DPAGT1: variants seen among roughly 807,000 people sequenced by gnomAD.
DPAGT1 encodes dolichyl-phosphate N-acetylglucosaminephosphotransferase 1.
DPAGT1 carries 25 observed loss-of-function variants against 39.3 expected under a neutral mutation model. That is an observed-to-expected ratio of 0.64 (90% CI 0.46 to 0.89). The LOEUF (loss-of-function observed/expected upper bound fraction) is 0.89, where lower values mean the gene tolerates loss of function less well. Among genes scored for constraint, DPAGT1 ranks in the 40% least tolerant of loss-of-function variants. DPAGT1 has a pLI of 0.00. For synonymous variants in DPAGT1, 193 were observed against 201.4 expected (o/e 0.96, Z 0.36); for missense variants, 381 against 500.6 (o/e 0.76, Z 2.28).
In DPAGT1 at chr11:119,097,509, C is replaced by A; in HGVS notation, c.960G>T (p.Lys320Asn). The stretch of plus-strand genomic sequence containing the variant: ...AGAAAGAGAGGCTCTTGGTCTTGAA[C>A]TTGGAATAGCTCATCTCCAGTTTGC... ...KTGKLEMSYS[K>N]FKTKSLSFLG... Residue 320 changes from lysine (K) to asparagine (N), a missense_variant, in exon 7 of 9, where the codon AAG (lysine) becomes AAT (asparagine). Lys to Asn is a moderately conservative substitution (Grantham distance 94). Coordinates refer to ENST00000354202, the MANE Select transcript of DPAGT1 (RefSeq NM_001382.4). This position sits in a 1 kb window ranked among gnomAD's most constrained non-coding sequence, Gnocchi z 4.6. 2 of 1,614,170 alleles carry A rather than the reference C, an allele frequency of 1.2e-6. No individual in the cohort carries two copies. The highest frequency in any genetic ancestry group is 1.7e-6 in the Non-Finnish European group (2 of 1,180,024).
In DPAGT1 at chr11:119,097,618, G is replaced by A; in HGVS notation, c.918-67C>T. On this transcript the variant is annotated intron_variant, in intron 6 of 8. Transcript: ENST00000354202. This position sits in a 1 kb window ranked among gnomAD's most constrained non-coding sequence, Gnocchi z 4.6. ...GAACCCTCCTCCCTGTGGCTAATAG[G>A]AAGAGCATTGAATGTGGAGTCAACC... 1 of 1,567,286 alleles carries A rather than the reference G, an allele frequency of 6.4e-7. No individual in the cohort carries two copies. Among genetic ancestry groups the A allele is most frequent in the African/African-American group, 1.3e-5 (1 of 74,094 alleles).
downstream of DPAGT1, among the ~76,000 whole-genome samples, chr11:119,096,119 A>C (rs183334836): frequency 4.5e-4 from 69 of 152,196 alleles, no homozygotes; most frequent in East Asian, 8.1e-3. Flanking sequence ...GTGCTCCACC[A>C]CACTTGGCTA....
rs145055477 is a variant in DPAGT1 at position 119,101,575 on chromosome 11, G to C, written c.81C>G (p.Thr27=). ...AGTGGCCCCGGAAGGCCGGGATGAG[G>C]GTGACTGTGGCCACAAATCCCAGCA... ...VSLLGFVATV[T]LIPAFRGHFI... Residue 27 remains threonine, a synonymous_variant, in exon 1 of 9, where the codon ACC becomes ACG. Coordinates refer to ENST00000354202, the MANE Select transcript of DPAGT1 (RefSeq NM_001382.4). The C allele has an allele frequency of 1.2e-6, 2 of 1,614,272 alleles. No individual in the cohort carries two copies. The highest frequency in any genetic ancestry group is 1.7e-6 in the Non-Finnish European group (2 of 1,180,042).
At chr11:119,099,535 T>C (rs1234183976) in intron 4 of DPAGT1, among the ~76,000 whole-genome samples, 4 of 150,256 alleles carry the variant, frequency 2.7e-5, no homozygotes, top group African/African-American at 9.8e-5. Flanking sequence ...GGCTCAAGAG[T>C]GTAATCCCAG....
At chr11:119,095,323 G>A (rs1295330540), downstream of DPAGT1, 7 of 1,606,098 alleles carry the variant, frequency 4.4e-6, no homozygotes, top group South Asian at 1.1e-5. Context: ...CTGGGAACTG[G>A]AGGCCGGCGC....
intron 4 of DPAGT1, 146 bp downstream of exon 4, chr11:119,100,116 C>T: frequency 7.7e-7 from 1 of 1,298,482 alleles, no homozygotes; most frequent in Admixed American, 1.7e-5. Context: ...AATAAATCTG[C>T]ATTGTTATTT....
In DPAGT1 at chr11:119,101,119, T is replaced by G. The variant is rs1275444813; in HGVS notation, c.181A>C (p.Ile61Leu). The G allele has an allele frequency of 1.2e-6, 2 of 1,614,060 alleles. No homozygotes were observed. The highest frequency in any genetic ancestry group is 1.7e-6 in the Non-Finnish European group (2 of 1,180,020). ...RQQIPESQGV[I>L]SGAVFLIILF... ...ATGATAAGGAAAACAGCACCGCTGA[T>G]CACTCCCTGGGATTCTGGGCTGTGG... The change falls in exon 2 of 9, where the codon ATC becomes CTC. Residue 61 changes from isoleucine (I) to leucine (L), a missense_variant. Transcript: ENST00000354202.
chr11:119,098,677 C>T lies in DPAGT1; in HGVS notation c.644-190G>A, dbSNP rs76450892. On this transcript the variant is annotated intron_variant, in intron 4 of 8. Coordinates refer to ENST00000354202, the MANE Select transcript of DPAGT1 (RefSeq NM_001382.4). ...ATTCCACCTCTTTCGTGCAGCCTTC[C>T]AAACTAGTTACTATCTTAAATTTGG... 4.1e-3 allele frequency among the ~76,000 whole-genome samples: 620 copies of T among 152,268 alleles called. 5 individuals carry two copies. The highest frequency in any genetic ancestry group is 0.015 in the African/African-American group (603 of 41,534).
chr11:119,095,612 T>G (rs1192455260), downstream of DPAGT1: 1 of 513,466 alleles, frequency 1.9e-6, no homozygotes, highest in Non-Finnish European at 3.3e-6. Context: ...GCGCGCCCGC[T>G]GATTGGTCGA....
At chr11:119,095,638 G>A (rs1209945966), downstream of DPAGT1, among the ~76,000 whole-genome samples, 1 of 152,166 alleles carries the variant, frequency 6.6e-6, no homozygotes, top group African/African-American at 2.4e-5. Context: ...AAAACCTTTT[G>A]CCCGGGGAGA....
downstream of DPAGT1, chr11:119,094,943 C>G (rs1241786719): frequency 2.5e-6 from 4 of 1,582,856 alleles, no homozygotes; most frequent in Admixed American, 7.6e-5. Flanking sequence ...GCCTGGCGGC[C>G]GGCCGCGGCG....
chr11:119,098,725 T>G (rs560934058), intron 4 of DPAGT1, among the ~76,000 whole-genome samples: 108 of 152,220 alleles, frequency 7.1e-4, no homozygotes, highest in Non-Finnish European at 1.1e-3. Context: ...TGATGTAAGT[T>G]TGGATACCAA....
chr11:119,100,585 C>T (rs1565765459), intron 3 of DPAGT1, 45 bp downstream of exon 3: 19 of 1,611,332 alleles, frequency 1.2e-5, no homozygotes, highest in Non-Finnish European at 1.6e-5. Context: ...AGGAAGGGTT[C>T]CCTGAAGTAG....
intron 1 of DPAGT1, 29 bp from the exon 2 acceptor site, chr11:119,101,167 G>T (rs1309767213): frequency 3.1e-6 from 5 of 1,613,374 alleles, no homozygotes; most frequent in African/African-American, 2.7e-5. Flanking sequence ...GGGGCGAGGG[G>T]GAAGAGGAAA....
At chr11:119,094,876 C>G (rs1423781272), downstream of DPAGT1, 5 of 1,348,962 alleles carry the variant, frequency 3.7e-6, no homozygotes, top group Non-Finnish European at 4.9e-6. Context: ...AGCGGCTCAG[C>G]TCTTTCCATG....
At chr11:119,095,427 T>C (rs1450830142), downstream of DPAGT1, 2 of 1,480,212 alleles carry the variant, frequency 1.4e-6, no homozygotes, top group African/African-American at 1.4e-5. Context: ...GCACGACGGC[T>C]CAAACACTAG....
rs1414865561 is a variant in DPAGT1, at chr11:119,100,840, C to A, written c.286G>T (p.Val96Leu). The A allele has an allele frequency of 6.2e-7, 1 of 1,614,196 alleles. No individual in the cohort carries two copies. The highest frequency in any genetic ancestry group is 8.5e-7 in the Non-Finnish European group (1 of 1,180,032). The change falls in exon 3 of 9, where the codon GTG becomes TTG. Residue 96 changes from valine to leucine, a missense_variant. Transcript: ENST00000354202. ...GCAAGGAGGGCACCTATCAGGGCCA[C>A]AAACTGGGGGAGGCTCGGGCAGGTC... ...QCKAFPHHEF[V>L]ALIGALLAIC...
At position 119,100,249 on chromosome 11, in the gene DPAGT1, C is replaced by T; in HGVS notation, c.643+13G>A. 1 of 1,614,136 alleles carries T rather than the reference C, an allele frequency of 6.2e-7. No individual in the cohort carries two copies. Among genetic ancestry groups the T allele is most frequent in the South Asian group, 1.1e-5 (1 of 91,078 alleles). On this transcript the variant is annotated intron_variant, in intron 4 of 8. Coordinates refer to ENST00000354202, the MANE Select transcript of DPAGT1 (RefSeq NM_001382.4). The stretch of plus-strand genomic sequence containing the variant: ...ACTCAGACTTCTCTCTCCCCACCCC[C>T]AATCCCACCTACCTTCCAACTCTAC...
chr11:119,097,564 G>C lies in DPAGT1; in HGVS notation c.918-13C>G. On this transcript the variant is annotated splice_polypyrimidine_tract_variant and intron_variant, in intron 6 of 8. Coordinates refer to ENST00000354202, the MANE Select transcript of DPAGT1 (RefSeq NM_001382.4). This position sits in a 1 kb window ranked among gnomAD's most constrained non-coding sequence, Gnocchi z 4.6. ...CTTGATATTGAGTCTGCGGGGGGAA[G>C]ATAGCTTCATGTGACTGGGCCACTA... 1 of 1,614,112 alleles carries C rather than the reference G, an allele frequency of 6.2e-7. No individual in the cohort carries two copies. Among genetic ancestry groups the C allele is most frequent in the Non-Finnish European group, 8.5e-7 (1 of 1,179,958 alleles).
Sources: allele counts gnomAD v4.1 joint callset (sites outside exome capture counted in the v4.1 genomes callset), GRCh38; gene constraint gnomAD v4.1.1; non-coding constraint Gnocchi (gnomAD v3.1); transcripts MANE v1.5; gene names NCBI Gene and HGNC (gene_info 2026-07-23, HGNC 2026-07-21).